CRACD: variants seen among roughly 807,000 people sequenced by gnomAD.
The protein encoded by CRACD is capping protein inhibiting regulator of actin dynamics, also known as capping protein-inhibiting regulator of actin dynamics.
Under a neutral mutation model 106.8 loss-of-function variants are expected in CRACD, and 56 were observed. That is an observed-to-expected ratio of 0.52 (90% confidence interval 0.42 to 0.66). CRACD has a LOEUF of 0.66. Among genes scored for constraint, CRACD ranks in the 30% least tolerant of loss-of-function variants. CRACD has a pLI of 0.00. For synonymous variants in CRACD, 754 were observed against 670.8 expected (o/e 1.12, Z -1.92); for missense variants, 1,730 against 1,623.2 (o/e 1.07, Z -1.13).
intron 1 of CRACD, among the ~76,000 whole-genome samples, chr4:56,130,028 C>G (rs1734776353): frequency 6.6e-6 from 1 of 152,106 alleles, no homozygotes; most frequent in Non-Finnish European, 1.5e-5. Flanking sequence ...AGTCATGGCA[C>G]TTTGGGAGGC....
At chr4:56,254,949 C>CA (rs1482303231) in intron 2 of CRACD, among the ~76,000 whole-genome samples, 2 of 151,012 alleles carry the variant, frequency 1.3e-5, no homozygotes, top group African/African-American at 4.9e-5. Context: ...ACTAAAAATA[C>CA]AAAAAAATAA....
chr4:56,315,716 G>C lies in CRACD; in HGVS notation c.2214G>C (p.Gln738His). ...FSDGGTETSK[Q>H]STEAESIRKR... ...ATGGTGGCACGGAGACCTCCAAACAGAGCACGGAAGCTGAAAGCATACGAA... is the reference window on the plus strand; with the variant it reads ...ATGGTGGCACGGAGACCTCCAAACACAGCACGGAAGCTGAAAGCATACGAA... Residue 738 changes from glutamine to histidine, a missense_variant, in exon 8 of 11, where the codon CAG (glutamine) becomes CAC (histidine). Physicochemically the swap from Gln to His is conservative, Grantham distance 24. Coordinates refer to ENST00000682029, the MANE Select transcript of CRACD (RefSeq NM_001393381.1). The surrounding 1 kb of genome is among the most constrained non-coding windows in gnomAD (Gnocchi z 4.1). 1.2e-6 allele frequency: 2 copies of C among 1,614,194 alleles called. No homozygotes were observed. Among genetic ancestry groups the C allele is most frequent in the South Asian group, 1.1e-5 (1 of 91,080 alleles).
intron 3 of CRACD, among the ~76,000 whole-genome samples, chr4:56,283,655 G>A (rs909709286): frequency 2.0e-5 from 3 of 152,162 alleles, no homozygotes; most frequent in African/African-American, 4.8e-5. Context: ...CTCACTGTGC[G>A]GCCTAATGGC....
At chr4:56,208,956 G>A (rs900520474) in intron 2 of CRACD, among the ~76,000 whole-genome samples, 4 of 152,096 alleles carry the variant, frequency 2.6e-5, no homozygotes, top group South Asian at 2.1e-4. Flanking sequence ...GAAAGACAGC[G>A]TGAGGCAGAA....
intron 5 of CRACD, among the ~76,000 whole-genome samples, chr4:56,309,580 G>A (rs575412240): frequency 3.3e-5 from 5 of 152,232 alleles, no homozygotes; most frequent in South Asian, 2.1e-4. Flanking sequence ...TAGGCTGGGC[G>A]TGGTGGCTCA....
intron 1 of CRACD, among the ~76,000 whole-genome samples, chr4:56,166,065 A>G (rs1736131141): frequency 6.6e-6 from 1 of 152,016 alleles, no homozygotes; most frequent in South Asian, 2.1e-4. Context: ...GTTTTTTTCT[A>G]TGTTTCCCAG....
At chr4:56,297,592 TAAATAA>T (rs996405141) in intron 3 of CRACD, among the ~76,000 whole-genome samples, 4 of 152,022 alleles carry the variant, frequency 2.6e-5, no homozygotes, top group Non-Finnish European at 4.4e-5. Context: ...AAAATATAAA[TAAATAA>T]AAATAAAAAT....
intron 2 of CRACD, among the ~76,000 whole-genome samples, chr4:56,265,739 A>C (rs1278256264): frequency 6.6e-6 from 1 of 152,228 alleles, no homozygotes; most frequent in Admixed American, 6.5e-5. Context: ...TGCTGGTACC[A>C]ACCCATAGGG....
In CRACD at chr4:56,314,268, C is replaced by A. The variant is rs1342465894; in HGVS notation, c.766C>A (p.Leu256Met). 2 of 1,565,142 alleles carry A rather than the reference C, an allele frequency of 1.3e-6. No homozygotes were observed. The highest frequency in any genetic ancestry group is 1.7e-6 in the Non-Finnish European group (2 of 1,154,200). The change falls in exon 8 of 11, where the codon CTG becomes ATG. Residue 256 changes from leucine to methionine, a missense_variant. Coordinates refer to ENST00000682029, the MANE Select transcript of CRACD (RefSeq NM_001393381.1). The surrounding 1 kb of genome is among the most constrained non-coding windows in gnomAD (Gnocchi z 4.4). ...RRLEEQRLQALERRLWEENRR... is the reference protein window; with the variant it reads ...RRLEEQRLQAMERRLWEENRR... Reference sequence around the variant, plus strand: ...CCTAGAGGAGCAGAGGCTGCAGGCGCTGGAGAGGAGGCTTTGGGAAGAGAA... The same window carrying A: ...CCTAGAGGAGCAGAGGCTGCAGGCGATGGAGAGGAGGCTTTGGGAAGAGAA...
intron 2 of CRACD, among the ~76,000 whole-genome samples, chr4:56,253,845 C>A (rs1388085433): frequency 2.0e-5 from 3 of 152,150 alleles, no homozygotes; most frequent in Admixed American, 6.5e-5. Flanking sequence ...CCATAGAGCC[C>A]AAATTATATC....
intron 1 of CRACD, among the ~76,000 whole-genome samples, chr4:56,162,109 C>T (rs1459948590): frequency 6.6e-6 from 1 of 152,126 alleles, no homozygotes; most frequent in African/African-American, 2.4e-5. Flanking sequence ...GGTGAGACTA[C>T]AAGCACCACT....
intron 1 of CRACD, among the ~76,000 whole-genome samples, chr4:56,065,783 G>A (rs1357156612): frequency 6.6e-6 from 1 of 152,180 alleles, no homozygotes; most frequent in African/African-American, 2.4e-5. Flanking sequence ...GTCCATCCCT[G>A]AACTTGTTCA....
intron 1 of CRACD, among the ~76,000 whole-genome samples, chr4:56,064,806 C>G (rs570475159): frequency 7.1e-4 from 108 of 152,300 alleles, no homozygotes; most frequent in Middle Eastern, 6.8e-3. Context: ...TTCATTCTCT[C>G]ATCTTGAAGT....
chr4:56,141,169 T>G (rs902023772), intron 1 of CRACD, among the ~76,000 whole-genome samples: 1 of 152,084 alleles, frequency 6.6e-6, no homozygotes, highest in African/African-American at 2.4e-5. Context: ...ACCCAGACAT[T>G]TAACAACAAA....
At chr4:56,165,143 C>T (rs936795031) in intron 1 of CRACD, among the ~76,000 whole-genome samples, 3 of 152,202 alleles carry the variant, frequency 2.0e-5, no homozygotes, top group African/African-American at 7.2e-5. Context: ...CTGACCTACC[C>T]GCATCTTTAC....
chr4:56,309,629 G>T (rs957209030), intron 5 of CRACD, among the ~76,000 whole-genome samples: 1 of 152,090 alleles, frequency 6.6e-6, no homozygotes, highest in Admixed American at 6.6e-5. Flanking sequence ...CGAGGTGGGC[G>T]GGTCACCTGA....
intron 1 of CRACD, among the ~76,000 whole-genome samples, chr4:56,063,309 C>G (rs1254670156): frequency 1.3e-5 from 2 of 152,088 alleles, no homozygotes; most frequent in Non-Finnish European, 2.9e-5. Context: ...CCTTCTGCCT[C>G]AGCCGCTCAA....
intron 2 of CRACD, among the ~76,000 whole-genome samples, chr4:56,192,646 C>T (rs2109459019): frequency 6.6e-6 from 1 of 152,076 alleles, no homozygotes; most frequent in East Asian, 1.9e-4. Flanking sequence ...TATACCATAT[C>T]ATGAAAATTT....
At chr4:56,325,997 C>T (rs1438668145) in intron 10 of CRACD, among the ~76,000 whole-genome samples, 6 of 152,148 alleles carry the variant, frequency 3.9e-5, no homozygotes, top group East Asian at 3.9e-4. Context: ...CTGCAGCCTC[C>T]GCCTCCTGGG....
Sources: allele counts gnomAD v4.1 joint callset (sites outside exome capture counted in the v4.1 genomes callset), GRCh38; gene constraint gnomAD v4.1.1; non-coding constraint Gnocchi (gnomAD v3.1); transcripts MANE v1.5; gene names NCBI Gene and HGNC (gene_info 2026-07-23, HGNC 2026-07-21).